Variants in CNIH3 observed in about 807,000 individuals in gnomAD.
CNIH3 encodes the protein protein cornichon homolog 3.
Under a neutral mutation model 24.1 loss-of-function variants are expected in CNIH3, and 14 were observed. The ratio of observed to expected loss-of-function variants is 0.58; its 90% confidence interval spans 0.38 to 0.91. The LOEUF (loss-of-function observed/expected upper bound fraction) is 0.91, where lower values mean the gene tolerates loss of function less well. CNIH3 is among the 40% of genes least tolerant of loss of function. CNIH3 has a pLI of 0.00. For missense variants in CNIH3, 178 were observed against 196.8 expected, an observed-to-expected ratio of 0.90 and a Z score of 0.57; for synonymous variants, 68 against 73.8, an observed-to-expected ratio of 0.92 and a Z score of 0.40.
At chr1:224,724,564 C>T (rs1688917485) in intron 3 of CNIH3, among the ~76,000 whole-genome samples, 1 of 152,204 alleles carries the variant, frequency 6.6e-6, no homozygotes, top group Admixed American at 6.5e-5. Context: ...GTTTTAGGGC[C>T]AGTTTAGTAT....
At chr1:224,569,502 T>A (rs1680726140) in intron 4 of CNIH3, among the ~76,000 whole-genome samples, 2 of 152,160 alleles carry the variant, frequency 1.3e-5, no homozygotes, top group South Asian at 4.1e-4. Flanking sequence ...CTTGTATGAG[T>A]CCCTTTGTGC....
chr1:224,624,275 T>G (rs1683413921), intron 1 of CNIH3, among the ~76,000 whole-genome samples: 1 of 152,228 alleles, frequency 6.6e-6, no homozygotes, highest in African/African-American at 2.4e-5. Context: ...TCTTTGCAAC[T>G]GCTTTCAAAT....
chr1:224,554,125 T>C (rs1167485177), intron 3 of CNIH3, among the ~76,000 whole-genome samples: 3 of 152,228 alleles, frequency 2.0e-5, no homozygotes, highest in Non-Finnish European at 4.4e-5. Context: ...CCTAGATTTC[T>C]ATTAATAGCT....
chr1:224,526,875 A>T (rs1678867961), intron 2 of CNIH3, among the ~76,000 whole-genome samples: 1 of 152,102 alleles, frequency 6.6e-6, no homozygotes, highest in Admixed American at 6.6e-5. Context: ...TAACATGGTG[A>T]AAGAAGGAGC....
At chr1:224,570,871 T>C (rs565388852) in intron 4 of CNIH3, among the ~76,000 whole-genome samples, 1 of 152,312 alleles carries the variant, frequency 6.6e-6, no homozygotes, top group Admixed American at 6.5e-5. Context: ...ATGTTTGTGT[T>C]CAATAGGATA....
At chr1:224,577,745 T>C (rs553383295) in intron 4 of CNIH3, among the ~76,000 whole-genome samples, 1 of 152,332 alleles carries the variant, frequency 6.6e-6, no homozygotes, top group South Asian at 2.1e-4. Flanking sequence ...TAAGTCATTA[T>C]ATGAAAAAGA....
At chr1:224,625,938 C>G (rs1178564425) in intron 1 of CNIH3, among the ~76,000 whole-genome samples, 1 of 149,668 alleles carries the variant, frequency 6.7e-6, no homozygotes, top group Non-Finnish European at 1.5e-5. Context: ...CTTGTAATAC[C>G]CATTTTTTTT....
intron 3 of CNIH3, among the ~76,000 whole-genome samples, chr1:224,607,391 A>AAAG (rs1421036499): frequency 6.6e-6 from 1 of 152,178 alleles, no homozygotes; most frequent in East Asian, 1.9e-4. Context: ...GCAGCAGGGG[A>AAAG]AAGAAGAAGA....
At chr1:224,582,495 C>G (rs1681318478) in intron 4 of CNIH3, among the ~76,000 whole-genome samples, 1 of 152,076 alleles carries the variant, frequency 6.6e-6, no homozygotes, top group Non-Finnish European at 1.5e-5. Flanking sequence ...TTTTGAAGTG[C>G]CTGGGGCGGT....
chr1:224,666,663 T>C (rs1298443881), intron 1 of CNIH3, among the ~76,000 whole-genome samples: 1 of 152,172 alleles, frequency 6.6e-6, no homozygotes, highest in African/African-American at 2.4e-5. Context: ...ATTGTCTTTA[T>C]ACAGAAGGAG....
downstream of CNIH3, chr1:224,588,738 C>CT (rs1364065423): frequency 6.6e-6 from 1 of 152,012 alleles, no homozygotes; most frequent in African/African-American, 2.4e-5. Context: ...GATTTTTGCA[C>CT]TTTTTTCTTT....
intron 3 of CNIH3, among the ~76,000 whole-genome samples, chr1:224,606,115 G>A (rs537001260): frequency 3.3e-5 from 5 of 152,116 alleles, no homozygotes; most frequent in East Asian, 1.9e-4. Context: ...GTGGTCTCGC[G>A]GCAGTGTCTG....
chr1:224,516,303 A>G (rs1262036076), intron 1 of CNIH3, among the ~76,000 whole-genome samples: 1 of 127,936 alleles, frequency 7.8e-6, no homozygotes, highest in African/African-American at 3.1e-5. Context: ...ACAAACCGAG[A>G]CTCTGTCTCA....
At chr1:224,616,308 A>G (rs1041249722), upstream of CNIH3, 5 of 262,288 alleles carry the variant, frequency 1.9e-5, no homozygotes, top group African/African-American at 4.7e-5. Flanking sequence ...TCGCACCGCT[A>G]CAGTTCTCGC....
chr1:224,727,058 T>C (rs1488479894), intron 3 of CNIH3, among the ~76,000 whole-genome samples: 3 of 152,162 alleles, frequency 2.0e-5, no homozygotes, highest in Non-Finnish European at 4.4e-5. Context: ...CACAAATGAA[T>C]GAGCATTATG....
intron 3 of CNIH3, among the ~76,000 whole-genome samples, chr1:224,594,591 G>A (rs796931846): frequency 2.0e-5 from 3 of 152,238 alleles, no homozygotes; most frequent in African/African-American, 7.2e-5. Context: ...AAGGGCCAGA[G>A]TGAGGGAAAA....
chr1:224,445,574 T>TA (rs369951294), intron 1 of CNIH3, among the ~76,000 whole-genome samples: 61,757 of 90,360 alleles, frequency 0.68, 21,543 homozygotes, highest in East Asian at 0.98. Flanking sequence ...GGACTCTGCT[T>TA]AAAAAAAAAA....
At chr1:224,672,225 G>C (rs1423669969) in intron 1 of CNIH3, among the ~76,000 whole-genome samples, 3 of 151,966 alleles carry the variant, frequency 2.0e-5, no homozygotes, top group Non-Finnish European at 4.4e-5. Flanking sequence ...GGAAGGTTTG[G>C]GGGGAGTATA....
chr1:224,697,921 G>A (rs1252439252), intron 3 of CNIH3, among the ~76,000 whole-genome samples: 2 of 152,202 alleles, frequency 1.3e-5, no homozygotes, highest in East Asian at 3.9e-4. Flanking sequence ...GGGACAATAA[G>A]AGAGAATTCC....
Sources: gnomAD v4.1 joint callset for allele counts (sites outside exome capture counted in the v4.1 genomes callset) on GRCh38, gnomAD v4.1.1 for gene constraint, MANE v1.5 for transcripts, NCBI Gene and HGNC (gene_info 2026-07-23, HGNC 2026-07-21) for gene names.